The following UNC5A variants were observed in gnomAD, a reference collection of about 807,000 sequenced individuals.
UNC5A encodes netrin receptor UNC5A.
Under a neutral mutation model 87.4 loss-of-function variants are expected in UNC5A, and 20 were observed. The observed-to-expected ratio is 0.23, with a 90% CI of 0.16 to 0.33. UNC5A has a LOEUF of 0.33. UNC5A is among the 10% of genes least tolerant of loss of function. The pLI, the probability that UNC5A is intolerant of heterozygous loss-of-function variation, is 1.00. For missense variants in UNC5A, 844 were observed against 1,133.4 expected, an observed-to-expected ratio of 0.74 and a Z score of 3.67; for synonymous variants, 438 against 482.3, an observed-to-expected ratio of 0.91 and a Z score of 1.20.
chr5:176,831,883 CTCTTTTTTTT>C (rs869073422), intron 1 of UNC5A, among the ~76,000 whole-genome samples: 3,749 of 115,262 alleles, frequency 0.033, 523 homozygotes, highest in South Asian at 0.052. Flanking sequence ...CTTTCTCTCT[CTCTTTTTTTT>C]TTTTTTTTTT....
chr5:176,868,491 G>A, intron 3 of UNC5A, 70 bp from the exon 4 acceptor site: 1 of 1,519,360 alleles, frequency 6.6e-7, no homozygotes, highest in African/African-American at 1.4e-5. Flanking sequence ...TGCAGGACAA[G>A]GGACACAGCC....
chr5:176,860,830 G>C (rs756852069), intron 1 of UNC5A, among the ~76,000 whole-genome samples: 2 of 152,022 alleles, frequency 1.3e-5, no homozygotes, highest in Middle Eastern at 3.4e-3. Context: ...CGGAACATGC[G>C]GGGGGCAGTT....
At chr5:176,817,688 G>C (rs1359046106) in intron 1 of UNC5A, among the ~76,000 whole-genome samples, 2 of 151,790 alleles carry the variant, frequency 1.3e-5, no homozygotes, top group African/African-American at 2.4e-5. Context: ...AGCTTGGTAC[G>C]CGAGGGCCCT....
At chr5:176,857,218 T>G (rs1195598540) in intron 1 of UNC5A, among the ~76,000 whole-genome samples, 1 of 152,272 alleles carries the variant, frequency 6.6e-6, no homozygotes, top group Non-Finnish European at 1.5e-5. Flanking sequence ...TTTCCCCAAC[T>G]TGAAAGCAAG....
chr5:176,845,181 G>A (rs1757374852), intron 1 of UNC5A, among the ~76,000 whole-genome samples: 1 of 152,134 alleles, frequency 6.6e-6, no homozygotes, highest in African/African-American at 2.4e-5. Context: ...CCAGCAGCCT[G>A]TTCCAGGTCA....
chr5:176,827,928 G>A (rs1045966089), intron 1 of UNC5A, among the ~76,000 whole-genome samples: 1 of 104,238 alleles, frequency 9.6e-6, no homozygotes, highest in Non-Finnish European at 2.1e-5. Context: ...GTTCAAGATT[G>A]GCAACAGAGG....
At chr5:176,825,065 T>C (rs1756820679) in intron 1 of UNC5A, among the ~76,000 whole-genome samples, 1 of 152,108 alleles carries the variant, frequency 6.6e-6, no homozygotes, top group Non-Finnish European at 1.5e-5. Flanking sequence ...GCCTGTTCAG[T>C]TTGAAGTGGT....
chr5:176,868,571 G>T lies in UNC5A; in HGVS notation c.447G>T (p.Lys149Asn). 1 of 1,602,378 alleles carries T rather than the reference G, an allele frequency of 6.2e-7. No individual in the cohort carries two copies. Among genetic ancestry groups the T allele is most frequent in the Non-Finnish European group, 8.5e-7 (1 of 1,175,250 alleles). ...KAYIRIAYLR[K>N]NFEQEPLAKE... ...TCATTCCTCTTCTAGATTTGCGCAAGAACTTCGAGCAGGAGCCGCTGGCCA... is the reference window on the plus strand; with the variant it reads ...TCATTCCTCTTCTAGATTTGCGCAATAACTTCGAGCAGGAGCCGCTGGCCA... Residue 149 changes from lysine to asparagine, a missense_variant, in exon 4 of 15, where the codon AAG (lysine) becomes AAT (asparagine). Physicochemically the swap from Lys to Asn is moderately conservative, Grantham distance 94. Coordinates refer to ENST00000329542, the MANE Select transcript of UNC5A (RefSeq NM_133369.3).
chr5:176,871,999 G>A lies in UNC5A; in HGVS notation c.886+1465G>A, dbSNP rs1321605461. Among the ~76,000 whole-genome samples, 5 of 11,806 alleles carry A rather than the reference G, an allele frequency of 4.2e-4. 2 individuals are homozygous for A. Among genetic ancestry groups the A allele is most frequent in the African/African-American group, 8.1e-4 (3 of 3,724 alleles). The allele number at this position is 11,806 out of a possible 152,430, so 7.7% of individuals were successfully genotyped here. On this transcript the variant is annotated intron_variant, in intron 6 of 14. Transcript: ENST00000329542. ...GCCCCAGCACCACAGCTTCCCATCT[G>A]TCCACACTCACCAACACCACAGCTT...
intron 2 of UNC5A, among the ~76,000 whole-genome samples, chr5:176,863,894 T>C (rs1428016355): frequency 7.0e-6 from 1 of 143,282 alleles, no homozygotes; most frequent in Non-Finnish European, 1.5e-5. Flanking sequence ...CATTAGAGCC[T>C]GTTTCAGTTT....
intron 1 of UNC5A, among the ~76,000 whole-genome samples, chr5:176,819,426 G>A (rs187954905): frequency 6.6e-6 from 1 of 152,330 alleles, no homozygotes; most frequent in Non-Finnish European, 1.5e-5. Context: ...CTGAACTCAG[G>A]GGTGGCTGTG....
At position 176,824,735 on chromosome 5, in the gene UNC5A, A is replaced by G. The variant is rs1581245151; in HGVS notation, c.70+13915A>G. Among the ~76,000 whole-genome samples the G allele has an allele frequency of 7.4e-6, 1 of 135,652 alleles. No individual in the cohort carries two copies. Among genetic ancestry groups the G allele is most frequent in the African/African-American group, 2.8e-5 (1 of 35,456 alleles). The allele number at this position is 135,652 out of a possible 152,430, so 89.0% of individuals were successfully genotyped here. ...CCTACTGCTAGGTGCCTCCATGCCCATGCACCCCCAGTGCCTGTGCACTCC... is the reference window on the plus strand; with the variant it reads ...CCTACTGCTAGGTGCCTCCATGCCCGTGCACCCCCAGTGCCTGTGCACTCC... On this transcript the variant is annotated intron_variant, in intron 1 of 14. Transcript: ENST00000329542. The surrounding 1 kb of genome is among the most constrained non-coding windows in gnomAD (Gnocchi z 4.2).
Position 176,848,016 on chromosome 5 carries a change from G to T in UNC5A, c.71-14608G>T, listed in dbSNP as rs1024150307. ...GGGCTTCTTGAGGGCGGAGGCTCCT[G>T]CTGCCTTCCCACACCAGACCTGGGG... is the stretch of plus-strand genomic sequence containing the variant. On this transcript the variant is annotated intron_variant, in intron 1 of 14. Transcript: ENST00000329542. The surrounding 1 kb of genome is among the most constrained non-coding windows in gnomAD (Gnocchi z 5.8). Among the ~76,000 whole-genome samples, 1 of 152,084 alleles carries T rather than the reference G, an allele frequency of 6.6e-6. No individual in the cohort carries two copies. The highest frequency in any genetic ancestry group is 1.5e-5 in the Non-Finnish European group (1 of 67,998).
Position 176,878,626 on chromosome 5 carries a change from T to C in UNC5A, c.2171T>C (p.Phe724Ser). 1 of 1,612,032 alleles carries C rather than the reference T, an allele frequency of 6.2e-7. No homozygotes were observed. Among genetic ancestry groups the C allele is most frequent in the Non-Finnish European group, 8.5e-7 (1 of 1,179,498 alleles). The change falls in exon 13 of 15, where the codon TTC becomes TCC. Residue 724 changes from phenylalanine to serine, a missense_variant. Physicochemically the swap from Phe to Ser is radical, Grantham distance 155. Transcript: ENST00000329542. Reference sequence around the variant, plus strand: ...GACGGGCAGAGCTTCAGCATCAACTTCAACATCACCAAGGTGGACGGGAGG... The same window carrying C: ...GACGGGCAGAGCTTCAGCATCAACTCCAACATCACCAAGGTGGACGGGAGG... ...EGDGQSFSIN[F>S]NITKDTRFAE...
chr5:176,870,224 T>A, intron 5 of UNC5A, 146 bp from the exon 6 acceptor site: 3 of 992,926 alleles, frequency 3.0e-6, no homozygotes, highest in Non-Finnish European at 4.4e-6. Context: ...AGGGCGTGCA[T>A]CGTGGGCCTG....
chr5:176,815,987 A>G (rs1009632032), intron 1 of UNC5A, among the ~76,000 whole-genome samples: 25 of 152,370 alleles, frequency 1.6e-4, no homozygotes, highest in Admixed American at 2.6e-4. Context: ...CATGGCACAG[A>G]GTGGGGCAGG....
Position 176,879,347 on chromosome 5 carries a change from A to G in UNC5A, c.2222A>G (p.Glu741Gly). The change falls in exon 14 of 15, where the codon GAA becomes GGA. Residue 741 changes from glutamate to glycine, a missense_variant. Coordinates refer to ENST00000329542, the MANE Select transcript of UNC5A (RefSeq NM_133369.3). ...RFAELLALES[E>G]AGVPALVGPS... ...GCTGAGCTGCTGGCTCTGGAGAGTG[A>G]AGCGGGGGTCCCAGCCCTGGTGGGC... is the stretch of plus-strand genomic sequence containing the variant. 1 of 1,611,494 alleles carries G rather than the reference A, an allele frequency of 6.2e-7. No homozygotes were observed.
At position 176,810,736 on chromosome 5, in the gene UNC5A, T is replaced by G; in HGVS notation, c.-15T>G. ...GGGCCCCGCGCCCGGCCCGCCCGCCTGCCCGCCCGCGGCCATGGCCGTCCG... is the reference window on the plus strand; with the variant it reads ...GGGCCCCGCGCCCGGCCCGCCCGCCGGCCCGCCCGCGGCCATGGCCGTCCG... On this transcript the variant is annotated 5_prime_UTR_variant, in exon 1 of 15. Coordinates refer to ENST00000329542, the MANE Select transcript of UNC5A (RefSeq NM_133369.3). This position sits in a 1 kb window ranked among gnomAD's most constrained non-coding sequence, Gnocchi z 7.3. 8.9e-7 allele frequency: 1 copy of G among 1,126,624 alleles called. No individual in the cohort carries two copies. The highest frequency in any genetic ancestry group is 4.3e-5 in the East Asian group (1 of 23,038). 69.8% of individuals were successfully genotyped at this position (1,126,624 alleles called of 1,614,324 possible).
At position 176,817,735 on chromosome 5, in the gene UNC5A, G is replaced by A. The variant is rs569384168; in HGVS notation, c.70+6915G>A. ...ATCTGCGGGGCACGTGAGCTGCCGT[G>A]GAGCGCGGGTGCCCGAGCCCACGGC... On this transcript the variant is annotated intron_variant, in intron 1 of 14. Coordinates refer to ENST00000329542, the MANE Select transcript of UNC5A (RefSeq NM_133369.3). Among the ~76,000 whole-genome samples, 31 of 152,168 alleles carry A rather than the reference G, an allele frequency of 2.0e-4. No homozygotes were observed. The East Asian group carries it at 5.6e-3, about 28-fold the overall frequency.
Sources: allele counts gnomAD v4.1 joint callset (sites outside exome capture counted in the v4.1 genomes callset), GRCh38; gene constraint gnomAD v4.1.1; non-coding constraint Gnocchi (gnomAD v3.1); transcripts MANE v1.5; gene names NCBI Gene and HGNC (gene_info 2026-07-23, HGNC 2026-07-21).